PPP3CA: variants seen among roughly 807,000 people sequenced by gnomAD.
The protein encoded by PPP3CA is CAM-PRP catalytic subunit.
Under a neutral mutation model 66.5 loss-of-function variants are expected in PPP3CA, and 14 were observed. The ratio of observed to expected loss-of-function variants is 0.21; its 90% CI spans 0.14 to 0.33. The LOEUF is 0.33. PPP3CA is among the 10% of genes least tolerant of loss of function. The pLI is 1.00. For synonymous variants in PPP3CA, 232 were observed against 226.2 expected (o/e 1.03, Z -0.23); for missense variants, 317 against 639.5 (o/e 0.50, Z 5.44).
chr4:101,334,008 T>C (rs1729542726), intron 1 of PPP3CA, among the ~76,000 whole-genome samples: 1 of 152,108 alleles, frequency 6.6e-6, no homozygotes, highest in African/African-American at 2.4e-5. Context: ...GCAGGATGGG[T>C]AGATGGATGG....
chr4:101,069,378 C>T (rs1041758119), intron 8 of PPP3CA, among the ~76,000 whole-genome samples: 1 of 152,138 alleles, frequency 6.6e-6, no homozygotes, highest in African/African-American at 2.4e-5. Flanking sequence ...TCCTCTTACT[C>T]ACTAGGTGGA....
At chr4:101,256,850 A>G (rs1317390862) in intron 1 of PPP3CA, among the ~76,000 whole-genome samples, 2 of 152,036 alleles carry the variant, frequency 1.3e-5, no homozygotes, top group Non-Finnish European at 2.9e-5. Flanking sequence ...TTTCCCATCT[A>G]TGAAGTAAAG....
chr4:101,240,048 C>CG (rs34664327), intron 1 of PPP3CA, among the ~76,000 whole-genome samples: 91,518 of 135,504 alleles, frequency 0.68, 30,548 homozygotes, highest in Middle Eastern at 0.75. Flanking sequence ...TTGGGGGGAG[C>CG]GGGGGGGAGG....
intron 8 of PPP3CA, among the ~76,000 whole-genome samples, chr4:101,077,129 C>A (rs112324959): frequency 2.0e-5 from 3 of 152,118 alleles, no homozygotes; most frequent in Non-Finnish European, 4.4e-5. Flanking sequence ...AACATTTAGT[C>A]CTCATAACTT....
At chr4:101,187,455 G>C (rs1300202235) in intron 2 of PPP3CA, among the ~76,000 whole-genome samples, 4 of 152,076 alleles carry the variant, frequency 2.6e-5, no homozygotes, top group Admixed American at 2.6e-4. Context: ...AGAGTCTCAA[G>C]TGGAATGGAT....
At chr4:101,204,635 CAA>C (rs55925064) in intron 1 of PPP3CA, among the ~76,000 whole-genome samples, 2,671 of 107,512 alleles carry the variant, frequency 0.025, 66 homozygotes, top group African/African-American at 0.1. Flanking sequence ...GACTCCATCT[CAA>C]AAAAAAAAAA....
intron 2 of PPP3CA, among the ~76,000 whole-genome samples, chr4:101,156,844 A>ATGG (rs1372306180): frequency 6.6e-6 from 1 of 152,218 alleles, no homozygotes; most frequent in Non-Finnish European, 1.5e-5. Flanking sequence ...TCTAAAACTG[A>ATGG]TGGTGAGTCA....
At chr4:101,169,206 C>G (rs1578516012) in intron 2 of PPP3CA, among the ~76,000 whole-genome samples, 1 of 152,170 alleles carries the variant, frequency 6.6e-6, no homozygotes, top group East Asian at 1.9e-4. Context: ...GTATGGTAAT[C>G]ATGTATAGGC....
At chr4:101,170,585 G>A (rs1378576672) in intron 2 of PPP3CA, among the ~76,000 whole-genome samples, 1 of 151,918 alleles carries the variant, frequency 6.6e-6, no homozygotes, top group Non-Finnish European at 1.5e-5. Context: ...ATAACAACAG[G>A]AGACTGCCTT....
At chr4:101,100,594 A>G (rs1730401541) in intron 3 of PPP3CA, among the ~76,000 whole-genome samples, 1 of 152,150 alleles carries the variant, frequency 6.6e-6, no homozygotes, top group Admixed American at 6.5e-5. Flanking sequence ...TGGAATATTC[A>G]AGTATTAACA....
At chr4:101,200,448 C>T (rs1166049280) in intron 1 of PPP3CA, among the ~76,000 whole-genome samples, 2 of 151,982 alleles carry the variant, frequency 1.3e-5, no homozygotes, top group East Asian at 3.9e-4. Context: ...TTCATGTAAC[C>T]TGGGATGTAT....
chr4:101,155,464 GTTCATCCACCT>G (rs1441800534), intron 2 of PPP3CA, among the ~76,000 whole-genome samples: 2 of 152,156 alleles, frequency 1.3e-5, no homozygotes, highest in African/African-American at 4.8e-5. Context: ...TGCAAGTGCT[GTTCATCCACCT>G]TTCTTTCTCA....
intron 1 of PPP3CA, among the ~76,000 whole-genome samples, chr4:101,242,787 G>T (rs574105397): frequency 2.0e-5 from 3 of 152,214 alleles, no homozygotes; most frequent in African/African-American, 7.2e-5. Context: ...TATTAGCTGG[G>T]CATGGTGGCA....
At chr4:101,180,853 G>A (rs746955788) in intron 2 of PPP3CA, among the ~76,000 whole-genome samples, 1 of 151,986 alleles carries the variant, frequency 6.6e-6, no homozygotes, top group Non-Finnish European at 1.5e-5. Context: ...AGGCAACATA[G>A]TGAGTCTCTA....
chr4:101,313,931 A>T (rs1384208788), intron 1 of PPP3CA, among the ~76,000 whole-genome samples: 1 of 152,230 alleles, frequency 6.6e-6, no homozygotes, highest in African/African-American at 2.4e-5. Context: ...AATGGGGGGA[A>T]CTGATCCCAA....
chr4:101,100,279 G>A (rs1394182621), intron 3 of PPP3CA, among the ~76,000 whole-genome samples: 3 of 151,998 alleles, frequency 2.0e-5, no homozygotes, highest in South Asian at 2.1e-4. Context: ...CGCAGTTCAA[G>A]TTAGGCTGAG....
In PPP3CA at chr4:101,346,877, A is replaced by ACGCCGCCGCCGCCGCCGCCGC. The variant is rs3974660; in HGVS notation, c.-102_-82dup. On this transcript the variant is annotated 5_prime_UTR_variant, in exon 1 of 14. Transcript: ENST00000394854. Reference sequence around the variant, plus strand: ...ACCGGACCGGCGGGCCAGACACTCAACGCCGCCGCCGCCGCCGCCGCCGCC... The same window carrying ACGCCGCCGCCGCCGCCGCCGC: ...ACCGGACCGGCGGGCCAGACACTCAACGCCGCCGCCGCCGCCGCCGCCGCCGCCGCCGCCGCCGCCGCCGCC... 41 of 1,292,940 alleles carry ACGCCGCCGCCGCCGCCGCCGC rather than the reference A, an allele frequency of 3.2e-5. No individual in the cohort carries two copies. In the African/African-American group the frequency reaches 5.2e-4, roughly 16 times the overall value. 80.1% of individuals were successfully genotyped at this position (1,292,940 alleles called of 1,614,324 possible). A position where few individuals can be genotyped will look rare whatever the true frequency, so the allele number is the denominator to read the frequency against.
At chr4:101,114,426 G>A (rs560812360) in intron 2 of PPP3CA, among the ~76,000 whole-genome samples, 2 of 152,136 alleles carry the variant, frequency 1.3e-5, no homozygotes, top group South Asian at 4.1e-4. Context: ...TTTTGTACTG[G>A]AAAAGTAAGA....
At chr4:101,305,623 C>A (rs1412116416) in intron 1 of PPP3CA, among the ~76,000 whole-genome samples, 1 of 152,122 alleles carries the variant, frequency 6.6e-6, no homozygotes, top group Non-Finnish European at 1.5e-5. Context: ...AAATGACTAT[C>A]ACCATTTTTT....
Sources: allele counts gnomAD v4.1 joint callset (sites outside exome capture counted in the v4.1 genomes callset), GRCh38; gene constraint gnomAD v4.1.1; transcripts MANE v1.5; gene names NCBI Gene and HGNC (gene_info 2026-07-23, HGNC 2026-07-21).